Variants in P2RY14 observed in about 807,000 individuals in gnomAD.
P2RY14 encodes the protein P2Y purinoceptor 14.
P2RY14 carries 2 observed loss-of-function variants against 0.9 expected under a neutral mutation model. The ratio of observed to expected loss-of-function variants is 2.16; its 90% CI spans 0.88 to 6.79. The LOEUF (loss-of-function observed/expected upper bound fraction) is 6.79. Ranked by LOEUF, P2RY14 falls within the 30% of genes most tolerant of loss-of-function variation. The probability of loss-of-function intolerance (pLI) is 0.05; values close to 1 mark genes in which losing one functional copy is unlikely to be tolerated. For synonymous variants in P2RY14, 158 were observed against 147.2 expected, an observed-to-expected ratio of 1.07 and a Z score of -0.53; for missense variants, 378 against 400.1, an observed-to-expected ratio of 0.94 and a Z score of 0.47.
At chr3:151,229,359 G>A (rs1441460691) in intron 1 of P2RY14, among the ~76,000 whole-genome samples, 1 of 149,378 alleles carries the variant, frequency 6.7e-6, no homozygotes, top group East Asian at 2.0e-4. Context: ...TCAGGCTGGA[G>A]GGCAGTTTCG....
At chr3:151,244,890 AAAG>A (rs1467483872) in intron 1 of P2RY14, among the ~76,000 whole-genome samples, 1 of 152,096 alleles carries the variant, frequency 6.6e-6, no homozygotes, top group Non-Finnish European at 1.5e-5. Flanking sequence ...ATAAAGAAAA[AAAG>A]AGAGAAGAAT....
In P2RY14 at chr3:151,213,586, A is replaced by T. The variant is rs1305785307; in HGVS notation, c.731T>A (p.Val244Asp). Reference protein sequence around the residue: ...NIFSIVFVFFVCFVPYHIARI... With the variant: ...NIFSIVFVFFDCFVPYHIARI... ...GGCAATATGGTAAGGTACAAAACAG[A>T]CAAAAAACACAAACACGATGCTGAA... The change falls in exon 3 of 3, where the codon GTC becomes GAC. Residue 244 changes from valine (V) to aspartate (D), a missense_variant. Transcript: ENST00000309170. The T allele has an allele frequency of 2.5e-6, 4 of 1,614,066 alleles. No homozygotes were observed. The highest frequency in any genetic ancestry group is 2.7e-5 in the African/African-American group (2 of 74,916).
At chr3:151,235,012 C>T (rs534476710) in intron 1 of P2RY14, among the ~76,000 whole-genome samples, 3 of 152,162 alleles carry the variant, frequency 2.0e-5, no homozygotes, top group Non-Finnish European at 4.4e-5. Flanking sequence ...AAAGCTCAGG[C>T]GTGTTTTTTT....
rs765582989 is a variant in P2RY14, at chr3:151,254,298, G to A, written c.-133+23989C>T. On this transcript the variant is annotated intron_variant, in intron 1 of 2. Transcript: ENST00000309170. ...CAGATAATTATGTCCACAATTTTTG[G>A]ATAAATCAGCATCTTTCATTCACGT... is the stretch of plus-strand genomic sequence containing the variant. 4.4e-4 allele frequency among the ~76,000 whole-genome samples: 67 copies of A among 152,182 alleles called. 1 individual carries two copies. The highest frequency in any genetic ancestry group is 1.0e-3 in the Admixed American group (16 of 15,284).
rs144921684 is a variant in P2RY14 at position 151,262,410 on chromosome 3, C to T, written c.-133+15877G>A. Reference sequence around the variant, plus strand: ...GATATCTCCAGACATTAATGCTGGGCCCTGTGGTGAATGTAAACATGGTAC... The same window carrying T: ...GATATCTCCAGACATTAATGCTGGGTCCTGTGGTGAATGTAAACATGGTAC... On this transcript the variant is annotated intron_variant, in intron 1 of 2. Coordinates refer to ENST00000309170, the MANE Select transcript of P2RY14 (RefSeq NM_014879.4). Among the ~76,000 whole-genome samples the T allele has an allele frequency of 9.9e-4, 150 of 152,252 alleles. 1 individual carries two copies. The highest frequency in any genetic ancestry group is 3.4e-3 in the African/African-American group (141 of 41,552).
At chr3:151,223,973 T>C (rs770087130) in intron 1 of P2RY14, among the ~76,000 whole-genome samples, 1 of 152,236 alleles carries the variant, frequency 6.6e-6, no homozygotes, top group Non-Finnish European at 1.5e-5. Flanking sequence ...GGTTGGACTT[T>C]GCTGTATCTG....
chr3:151,254,060 T>G (rs1411844895), intron 1 of P2RY14, among the ~76,000 whole-genome samples: 1 of 151,912 alleles, frequency 6.6e-6, no homozygotes, highest in Non-Finnish European at 1.5e-5. Flanking sequence ...TTGTGTACTT[T>G]AAGAAACAAT....
intron 1 of P2RY14, among the ~76,000 whole-genome samples, chr3:151,265,776 T>C (rs1164789845): frequency 6.6e-6 from 1 of 152,154 alleles, no homozygotes; most frequent in Non-Finnish European, 1.5e-5. Flanking sequence ...TTCTGTCTTA[T>C]GTATTGGTAA....
chr3:151,275,752 A>C (rs2149584650), intron 1 of P2RY14, among the ~76,000 whole-genome samples: 1 of 152,358 alleles, frequency 6.6e-6, no homozygotes, highest in East Asian at 1.9e-4. Flanking sequence ...CCTGATTCTC[A>C]TGCTACTTAG....
chr3:151,215,602 C>G (rs1728055137), intron 2 of P2RY14, among the ~76,000 whole-genome samples: 1 of 152,188 alleles, frequency 6.6e-6, no homozygotes, highest in African/African-American at 2.4e-5. Context: ...ATATTCTTCA[C>G]TGATGTCGGA....
intron 1 of P2RY14, among the ~76,000 whole-genome samples, chr3:151,224,403 C>A (rs921586063): frequency 4.0e-5 from 6 of 150,006 alleles, no homozygotes; most frequent in Non-Finnish European, 5.9e-5. Context: ...TTACTGAAGC[C>A]ATTTTCTTGC....
chr3:151,256,174 G>C (rs1737780371), intron 1 of P2RY14, among the ~76,000 whole-genome samples: 1 of 152,156 alleles, frequency 6.6e-6, no homozygotes, highest in African/African-American at 2.4e-5. Flanking sequence ...TTATAGGAAG[G>C]CTCTTTTAGA....
intron 2 of P2RY14, among the ~76,000 whole-genome samples, chr3:151,217,163 C>T (rs938329593): frequency 6.6e-6 from 1 of 152,060 alleles, no homozygotes; most frequent in Admixed American, 6.5e-5. Flanking sequence ...TTAATGAGAG[C>T]CAAATTCCTT....
chr3:151,242,786 GAGA>G lies in P2RY14; in HGVS notation c.-132-23147_-132-23145del, dbSNP rs1208620715. 5.3e-4 allele frequency among the ~76,000 whole-genome samples: 81 copies of G among 152,186 alleles called. No homozygotes were observed. In the Middle Eastern group the frequency reaches 0.017, roughly 32 times the overall value. ...ATGGAGAATGACTTTGACGAGCTGA[GAGA>G]AGAAGGCTTCAGACGATCAAATTAC... On this transcript the variant is annotated intron_variant, in intron 1 of 2. Coordinates refer to ENST00000309170, the MANE Select transcript of P2RY14 (RefSeq NM_014879.4).
At chr3:151,261,703 T>C (rs1738924643) in intron 1 of P2RY14, among the ~76,000 whole-genome samples, 1 of 151,150 alleles carries the variant, frequency 6.6e-6, no homozygotes, top group Non-Finnish European at 1.5e-5. Flanking sequence ...TTTTGTTTTG[T>C]TTTGTTTTGT....
chr3:151,252,092 G>C (rs1736961032), intron 1 of P2RY14, among the ~76,000 whole-genome samples: 1 of 152,102 alleles, frequency 6.6e-6, no homozygotes, highest in African/African-American at 2.4e-5. Flanking sequence ...TCCTATGGGA[G>C]GTTATTCCTG....
chr3:151,232,384 C>T (rs4680260), intron 1 of P2RY14, among the ~76,000 whole-genome samples: 1 of 151,956 alleles, frequency 6.6e-6, no homozygotes, highest in African/African-American at 2.4e-5. Flanking sequence ...GATAGCCATT[C>T]TGATTGGTGT....
At chr3:151,248,246 C>G (rs954404154) in intron 1 of P2RY14, among the ~76,000 whole-genome samples, 2 of 152,038 alleles carry the variant, frequency 1.3e-5, no homozygotes, top group Non-Finnish European at 2.9e-5. Context: ...AAAACAGCAA[C>G]TATGAGACCT....
At chr3:151,235,532 C>T (rs1051797263) in intron 1 of P2RY14, among the ~76,000 whole-genome samples, 3 of 151,950 alleles carry the variant, frequency 2.0e-5, no homozygotes, top group Admixed American at 2.0e-4. Flanking sequence ...GGTGAAACCC[C>T]ATCTCTACTA....
Sources: allele counts gnomAD v4.1 joint callset (sites outside exome capture counted in the v4.1 genomes callset), GRCh38; gene constraint gnomAD v4.1.1; transcripts MANE v1.5; gene names NCBI Gene and HGNC (gene_info 2026-07-23, HGNC 2026-07-21).